Variants in CKAP5 observed in about 807,000 individuals in gnomAD.
CKAP5 encodes cytoskeleton-associated protein 5.
Under a neutral mutation model 232.8 loss-of-function variants are expected in CKAP5, and 27 were observed. The ratio of observed to expected loss-of-function variants is 0.12; its 90% CI spans 0.09 to 0.16. CKAP5 has a LOEUF of 0.16. Among genes scored for constraint, CKAP5 ranks in the 10% least tolerant of loss-of-function variants. The pLI, the probability that CKAP5 is intolerant of heterozygous loss-of-function variation, is 1.00. For synonymous variants in CKAP5, 785 were observed against 841.1 expected (o/e 0.93, Z 1.16); for missense variants, 1,838 against 2,424.7 (o/e 0.76, Z 5.08).
intron 24 of CKAP5, among the ~76,000 whole-genome samples, chr11:46,772,970 G>A (rs1328360545): frequency 6.6e-6 from 1 of 152,154 alleles, no homozygotes. Context: ...TCGATCTCTT[G>A]ACCTCGTGAT....
In CKAP5 at chr11:46,770,108, CA is replaced by C; in HGVS notation, c.3187-11del. On this transcript the variant is annotated splice_polypyrimidine_tract_variant and intron_variant, in intron 25 of 43. Coordinates refer to ENST00000529230, the MANE Select transcript of CKAP5 (RefSeq NM_001008938.4). Reference sequence around the variant, plus strand: ...GATCTTTAGAAGTTGGCTAGAGAGACAAAATGACATAAAAAGTGAGAGGTCA... The same window carrying C: ...GATCTTTAGAAGTTGGCTAGAGAGACAAATGACATAAAAAGTGAGAGGTCA... The C allele has an allele frequency of 6.2e-7, 1 of 1,612,954 alleles. No homozygotes were observed.
At chr11:46,841,195 G>A (rs887772192) in intron 1 of CKAP5, among the ~76,000 whole-genome samples, 12 of 151,844 alleles carry the variant, frequency 7.9e-5, no homozygotes, top group African/African-American at 2.2e-4. Context: ...TCTTGAACCC[G>A]GGAGACAGAG....
At chr11:46,843,176 T>C (rs562538453) in intron 1 of CKAP5, among the ~76,000 whole-genome samples, 4 of 151,894 alleles carry the variant, frequency 2.6e-5, no homozygotes, top group Admixed American at 6.6e-5. Flanking sequence ...TTTGGAGAAA[T>C]TGTAAGTCAG....
At chr11:46,788,401 C>T (rs931751589) in intron 16 of CKAP5, among the ~76,000 whole-genome samples, 2 of 152,142 alleles carry the variant, frequency 1.3e-5, no homozygotes, top group East Asian at 1.9e-4. Context: ...ATAGAGAAAC[C>T]GCGTCTCTAC....
rs143249613 is a variant in CKAP5, at chr11:46,800,528, T to C, written c.1083+672A>G. Among the ~76,000 whole-genome samples the C allele has an allele frequency of 2.8e-3, 420 of 152,274 alleles. 2 individuals are homozygous for C. Among genetic ancestry groups the C allele is most frequent in the African/African-American group, 9.6e-3 (398 of 41,554 alleles). The stretch of plus-strand genomic sequence containing the variant: ...TAGGATGCTGAGCCATTCTTAGTAA[T>C]GCAGACCGGATTTAGAGGCCAAAGG... On this transcript the variant is annotated intron_variant, in intron 9 of 43. Coordinates refer to ENST00000529230, the MANE Select transcript of CKAP5 (RefSeq NM_001008938.4).
chr11:46,795,532 A>G, intron 13 of CKAP5, 62 bp downstream of exon 13: 12 of 1,377,422 alleles, frequency 8.7e-6, no homozygotes, highest in Non-Finnish European at 1.2e-5. Context: ...TTAGAGGAAC[A>G]ACCACGAACC....
intron 15 of CKAP5, 121 bp from the exon 16 acceptor site, chr11:46,788,894 G>C (rs576522611): frequency 4.4e-5 from 30 of 678,136 alleles, no homozygotes; most frequent in East Asian, 1.1e-4. Context: ...AACTGAGGAG[G>C]GTTATTGAGG....
At chr11:46,842,170 A>C (rs572731047) in intron 1 of CKAP5, among the ~76,000 whole-genome samples, 4 of 152,198 alleles carry the variant, frequency 2.6e-5, no homozygotes, top group Non-Finnish European at 4.4e-5. Context: ...CCCTCAAGGG[A>C]AAAATGTATG....
At chr11:46,816,444 G>A in intron 3 of CKAP5, 40 bp from the exon 4 acceptor site, 1 of 1,555,300 alleles carries the variant, frequency 6.4e-7, no homozygotes, top group Non-Finnish European at 8.8e-7. Flanking sequence ...CACTTAAGTA[G>A]TAAGAATTGG....
chr11:46,792,482 G>A (rs1404410284), intron 13 of CKAP5, among the ~76,000 whole-genome samples: 1 of 152,084 alleles, frequency 6.6e-6, no homozygotes, highest in Non-Finnish European at 1.5e-5. Context: ...GAACCAGGGA[G>A]GCAGAGGTTG....
Position 46,810,942 on chromosome 11 carries a change from C to T in CKAP5, c.630+65G>A, listed in dbSNP as rs149399282. 5.4e-4 allele frequency: 741 copies of T among 1,359,940 alleles called. 5 individuals are homozygous for T. The African/African-American group carries it at 9.3e-3, about 17-fold the overall frequency. 84.2% of individuals were successfully genotyped at this position (1,359,940 alleles called of 1,614,324 possible). A position where few individuals can be genotyped will look rare whatever the true frequency, so the allele number is the denominator to read the frequency against. The stretch of plus-strand genomic sequence containing the variant: ...ATTTTTAAGGACAGAATATCAACAA[C>T]GATAGGAAGAAAATATTTTCATATT... On this transcript the variant is annotated intron_variant, in intron 5 of 43. Transcript: ENST00000529230.
At chr11:46,842,917 A>G (rs1940091108) in intron 1 of CKAP5, among the ~76,000 whole-genome samples, 1 of 140,994 alleles carries the variant, frequency 7.1e-6, no homozygotes, top group Admixed American at 7.6e-5. Flanking sequence ...CAGTGAGCCG[A>G]GATCGCGCCA....
chr11:46,777,397 C>T, intron 23 of CKAP5, 42 bp downstream of exon 23: 1 of 1,217,910 alleles, frequency 8.2e-7, no homozygotes, highest in South Asian at 1.2e-5. Context: ...ATATGGCTGG[C>T]CTATTCCAGA....
At chr11:46,765,434 A>G (rs1330351503) in intron 27 of CKAP5, among the ~76,000 whole-genome samples, 178 bp from the exon 28 acceptor site, 2 of 152,022 alleles carry the variant, frequency 1.3e-5, no homozygotes, top group Non-Finnish European at 2.9e-5. Flanking sequence ...TTCTCTAGAA[A>G]TTTTTCTGAG....
intron 8 of CKAP5, among the ~76,000 whole-genome samples, chr11:46,802,825 T>C (rs1484956795): frequency 6.6e-6 from 1 of 152,186 alleles, no homozygotes; most frequent in Non-Finnish European, 1.5e-5. Flanking sequence ...TATGCACTCC[T>C]TAAGTGCTGA....
chr11:46,792,466 T>C (rs1938753048), intron 13 of CKAP5, among the ~76,000 whole-genome samples: 1 of 151,856 alleles, frequency 6.6e-6, no homozygotes, highest in Non-Finnish European at 1.5e-5. Flanking sequence ...GGCAGGAGAA[T>C]CACTTGAACC....
intron 29 of CKAP5, 150 bp from the exon 30 acceptor site, chr11:46,763,329 C>A (rs1565722674): frequency 1.1e-6 from 1 of 943,364 alleles, no homozygotes; most frequent in Non-Finnish European, 1.6e-6. Flanking sequence ...TATACACACA[C>A]ATTCATTTAT....
intron 3 of CKAP5, among the ~76,000 whole-genome samples, chr11:46,817,399 A>T (rs1056081445): frequency 6.6e-6 from 1 of 152,220 alleles, no homozygotes; most frequent in African/African-American, 2.4e-5. Context: ...AAGACTTTAC[A>T]ATAACTTTAC....
rs113912145 is a variant in CKAP5 at position 46,810,644 on chromosome 11, C to T, written c.630+363G>A. Among the ~76,000 whole-genome samples, 421 of 152,218 alleles carry T rather than the reference C, an allele frequency of 2.8e-3. 2 individuals are homozygous for T. Among genetic ancestry groups the T allele is most frequent in the African/African-American group, 9.6e-3 (399 of 41,534 alleles). On this transcript the variant is annotated intron_variant, in intron 5 of 43. Transcript: ENST00000529230. ...ATATAATTAAATTTTATTTCTTTTACAGCATAAGTCAAACCAACTTGAATT... is the reference window on the plus strand; with the variant it reads ...ATATAATTAAATTTTATTTCTTTTATAGCATAAGTCAAACCAACTTGAATT...
Sources: gnomAD v4.1 joint callset for allele counts (sites outside exome capture counted in the v4.1 genomes callset) on GRCh38, gnomAD v4.1.1 for gene constraint, MANE v1.5 for transcripts, NCBI Gene and HGNC (gene_info 2026-07-23, HGNC 2026-07-21) for gene names.